Variants in TUSC3 observed in about 807,000 individuals in gnomAD.
TUSC3 encodes dolichyl-diphosphooligosaccharide--protein glycosyltransferase subunit TUSC3.
Under a neutral mutation model 44.8 loss-of-function variants are expected in TUSC3, and 45 were observed. That is an observed-to-expected ratio of 1.00 (90% confidence interval 0.79 to 1.29). The LOEUF is 1.29. Ranked by LOEUF, TUSC3 falls within the 50% of genes most tolerant of loss-of-function variation. The pLI is 0.00. For missense variants in TUSC3, 519 were observed against 437.9 expected, an observed-to-expected ratio of 1.19 and a Z score of -1.65; for synonymous variants, 212 against 152.9, an observed-to-expected ratio of 1.39 and a Z score of -2.85.
chr8:15,794,284 A>G, the TUSC3 span, among the ~76,000 whole-genome samples: 2 of 152,088 alleles, frequency 1.3e-5, no homozygotes, highest in South Asian at 4.1e-4. Context: ...AAGTCTTTCC[A>G]CAATAACACA....
intron 1 of TUSC3, among the ~76,000 whole-genome samples, chr8:15,466,952 C>T (rs980905825): frequency 2.6e-5 from 4 of 151,906 alleles, no homozygotes; most frequent in African/African-American, 7.3e-5. Flanking sequence ...GGAATTAGTT[C>T]CTGAGTACAG....
At chr8:15,814,477 G>A in the TUSC3 span, among the ~76,000 whole-genome samples, 4 of 152,256 alleles carry the variant, frequency 2.6e-5, no homozygotes, top group South Asian at 6.2e-4. Context: ...AACGCAATGC[G>A]TTGCCAATAT....
chr8:15,517,522 C>CAAAAAA lies in TUSC3; in HGVS notation n.189+34068_189+34073dup, dbSNP rs71211049. 2.2e-4 allele frequency among the ~76,000 whole-genome samples: 17 copies of CAAAAAA among 77,570 alleles called. 2 individuals are homozygous for CAAAAAA. Among genetic ancestry groups the CAAAAAA allele is most frequent in the African/African-American group, 5.8e-4 (7 of 12,144 alleles). 50.9% of individuals were successfully genotyped at this position (77,570 alleles called of 152,430 possible). On this transcript the variant is annotated intron_variant and non_coding_transcript_variant, in intron 2 of 5. Coordinates refer to the TUSC3 transcript ENST00000503191. ...GAGCTTCCTAACATTTAGCGTGAGGCAAAAAAAAAAAAAAAAAAAAAAAAA... is the reference window on the plus strand; with the variant it reads ...GAGCTTCCTAACATTTAGCGTGAGGCAAAAAAAAAAAAAAAAAAAAAAAAAAAAAAA...
chr8:15,730,344 C>G (rs948796531), intron 6 of TUSC3, among the ~76,000 whole-genome samples: 5 of 151,840 alleles, frequency 3.3e-5, no homozygotes, highest in African/African-American at 1.2e-4. Context: ...AAATGTTTTG[C>G]TATATTTTGT....
At chr8:15,588,681 A>G (rs557195630) in intron 1 of TUSC3, among the ~76,000 whole-genome samples, 1 of 152,176 alleles carries the variant, frequency 6.6e-6, no homozygotes, top group African/African-American at 2.4e-5. Flanking sequence ...GTAGTTTTAT[A>G]GTTTTGGGTC....
chr8:15,716,982 A>G (rs891002948), intron 6 of TUSC3, among the ~76,000 whole-genome samples: 7 of 152,104 alleles, frequency 4.6e-5, no homozygotes, highest in African/African-American at 1.7e-4. Flanking sequence ...AATGTATTGT[A>G]TATTTAGTTG....
intron 1 of TUSC3, among the ~76,000 whole-genome samples, chr8:15,454,362 G>A (rs1800229976): frequency 6.6e-6 from 1 of 152,074 alleles, no homozygotes; most frequent in South Asian, 2.1e-4. Context: ...TCTTTCCTTT[G>A]AGGAGGCAAG....
At chr8:15,433,622 G>A (rs372274417) in intron 1 of TUSC3, among the ~76,000 whole-genome samples, 1 of 151,748 alleles carries the variant, frequency 6.6e-6, no homozygotes, top group South Asian at 2.1e-4. Context: ...CAGGGCTTAA[G>A]CGTTCCTCTG....
chr8:15,689,046 T>A, intron 6 of TUSC3: 1 of 315,252 alleles, frequency 3.2e-6, no homozygotes, highest in Non-Finnish European at 6.3e-6. Flanking sequence ...GGGGGATGAC[T>A]CGTCAATGTC....
At chr8:15,663,414 G>A (rs940717480) in intron 5 of TUSC3, among the ~76,000 whole-genome samples, 1 of 151,734 alleles carries the variant, frequency 6.6e-6, no homozygotes, top group Non-Finnish European at 1.5e-5. Context: ...CTTTCTTGCA[G>A]TAGCCCTTCA....
chr8:15,718,159 T>A (rs1810136958), intron 6 of TUSC3, among the ~76,000 whole-genome samples: 1 of 152,126 alleles, frequency 6.6e-6, no homozygotes, highest in South Asian at 2.1e-4. Context: ...GTAGTGATTT[T>A]GGAAGATTTA....
chr8:15,572,616 A>G (rs1802920459), intron 1 of TUSC3, among the ~76,000 whole-genome samples: 1 of 152,176 alleles, frequency 6.6e-6, no homozygotes, highest in Non-Finnish European at 1.5e-5. Context: ...GGCCTATCTG[A>G]GCTTTCCACA....
chr8:15,742,696 G>A (rs913350928), intron 7 of TUSC3, among the ~76,000 whole-genome samples: 2 of 152,202 alleles, frequency 1.3e-5, no homozygotes, highest in Admixed American at 6.5e-5. Context: ...AATTGAGGAG[G>A]TTCTGGGCTA....
Position 15,467,018 on chromosome 8 carries a change from G to A in TUSC3, n.92-16368G>A, listed in dbSNP as rs190985259. ...GATGTCATTTCACTGATATTTGAGA[G>A]TTGATCTCATTGCATATAGCTAAGG... is the stretch of plus-strand genomic sequence containing the variant. On this transcript the variant is annotated intron_variant and non_coding_transcript_variant, in intron 1 of 5. Coordinates refer to the TUSC3 transcript ENST00000503191. Among the ~76,000 whole-genome samples, 22 of 152,162 alleles carry A rather than the reference G, an allele frequency of 1.4e-4. 1 individual carries two copies. The highest frequency in any genetic ancestry group is 5.1e-4 in the African/African-American group (21 of 41,524).
At chr8:15,738,836 T>TTC (rs1265746199) in intron 7 of TUSC3, among the ~76,000 whole-genome samples, 1 of 125,198 alleles carries the variant, frequency 8.0e-6, no homozygotes, top group Non-Finnish European at 1.7e-5. Context: ...GCTTTTTTTT[T>TTC]TTTTTTTTTT....
chr8:15,787,825 T>C, the TUSC3 span, among the ~76,000 whole-genome samples: 2 of 152,184 alleles, frequency 1.3e-5, no homozygotes, highest in African/African-American at 4.8e-5. Flanking sequence ...TTCTTCCCAT[T>C]CTTCAAAGAA....
chr8:15,796,809 G>A, the TUSC3 span, among the ~76,000 whole-genome samples: 1 of 152,296 alleles, frequency 6.6e-6, no homozygotes, highest in African/African-American at 2.4e-5. Flanking sequence ...GCTTCCTTTT[G>A]CCAGCCAAGG....
At chr8:15,596,759 G>A (rs1011765522) in intron 1 of TUSC3, among the ~76,000 whole-genome samples, 5 of 152,006 alleles carry the variant, frequency 3.3e-5, no homozygotes, top group African/African-American at 7.2e-5. Context: ...TGAACTGATT[G>A]GATATAATGT....
At chr8:15,788,005 A>T in the TUSC3 span, among the ~76,000 whole-genome samples, 4 of 152,204 alleles carry the variant, frequency 2.6e-5, no homozygotes, top group Non-Finnish European at 5.9e-5. Flanking sequence ...GAAGAAGTAC[A>T]TAACTTTCAG....
Sources: allele counts gnomAD v4.1 joint callset (sites outside exome capture counted in the v4.1 genomes callset), GRCh38; gene constraint gnomAD v4.1.1; transcripts MANE v1.5; gene names NCBI Gene and HGNC (gene_info 2026-07-23, HGNC 2026-07-21).